Variants in CABLES1 observed in about 807,000 individuals in gnomAD.
CABLES1 encodes the protein Cdk5 and Abl enzyme substrate 1.
In CABLES1, 36 loss-of-function variants were observed where a neutral mutation model predicts 57.8. The observed-to-expected ratio is 0.62, with a 90% CI of 0.48 to 0.82. CABLES1 has a LOEUF of 0.82. Among genes scored for constraint, CABLES1 ranks in the 40% least tolerant of loss-of-function variants. CABLES1 has a pLI of 0.00. For missense variants in CABLES1, 767 were observed against 836.6 expected (o/e 0.92, Z 1.03); for synonymous variants, 374 against 363.0 (o/e 1.03, Z -0.35).
At chr18:23,233,002 TC>T (rs1439422862) in intron 4 of CABLES1, among the ~76,000 whole-genome samples, 1 of 152,140 alleles carries the variant, frequency 6.6e-6, no homozygotes, top group African/African-American at 2.4e-5. Context: ...TTATATTCGT[TC>T]TTGCATAGGT....
intron 1 of CABLES1, among the ~76,000 whole-genome samples, chr18:23,146,485 C>T (rs1275191598): frequency 6.6e-6 from 1 of 152,060 alleles, no homozygotes; most frequent in Admixed American, 6.5e-5. Context: ...GGATTACAGG[C>T]GTGAGCTACC....
chr18:23,242,735 T>C (rs563198603), intron 7 of CABLES1, among the ~76,000 whole-genome samples: 1 of 152,336 alleles, frequency 6.6e-6, no homozygotes, highest in African/African-American at 2.4e-5. Context: ...TGCATAAGCA[T>C]GTAAACCTCA....
At chr18:23,253,621 C>T in intron 8 of CABLES1, 108 bp from the exon 9 acceptor site, 1 of 909,808 alleles carries the variant, frequency 1.1e-6, no homozygotes, top group East Asian at 2.6e-5. Context: ...GTCCAGATCA[C>T]CCTCTGGGAA....
chr18:23,190,577 TCCACCCA>T (rs2047235229), intron 2 of CABLES1: 1 of 152,182 alleles, frequency 6.6e-6, no homozygotes, highest in Non-Finnish European at 1.5e-5. Flanking sequence ...CTTCACGGAA[TCCACCCA>T]GACTGGTCCT....
chr18:23,135,784 G>GCCA lies in CABLES1; in HGVS notation c.27_29dup (p.Thr10dup). 1.0e-6 allele frequency: 1 copy of GCCA among 973,294 alleles called. No homozygotes were observed. 60.3% of individuals were successfully genotyped at this position (973,294 alleles called of 1,614,324 possible). On this transcript the variant is annotated inframe_insertion, in exon 1 of 10. Transcript: ENST00000256925. ...CACAATGGCGGCGGCGGCGGCGGCC[G>GCCA]CCACCACGGCCGCCTGCAGCAGCGG...
chr18:23,201,615 C>A (rs1190835039), intron 3 of CABLES1, among the ~76,000 whole-genome samples: 1 of 152,162 alleles, frequency 6.6e-6, no homozygotes, highest in African/African-American at 2.4e-5. Flanking sequence ...TAATGACTCT[C>A]CAGATACAAG....
intron 1 of CABLES1, among the ~76,000 whole-genome samples, chr18:23,179,735 C>T (rs550006376): frequency 6.6e-6 from 1 of 152,322 alleles, no homozygotes; most frequent in South Asian, 2.1e-4. Context: ...CTGGACAAAG[C>T]TTTAGATCCG....
intron 4 of CABLES1, among the ~76,000 whole-genome samples, chr18:23,227,921 A>G (rs1209273769): frequency 6.6e-6 from 1 of 152,196 alleles, no homozygotes; most frequent in Non-Finnish European, 1.5e-5. Context: ...TCCTTTGAAG[A>G]GCTAGCGCCT....
At chr18:23,194,692 C>T (rs904247538) in intron 3 of CABLES1, 152 bp downstream of exon 3, 4 of 610,086 alleles carry the variant, frequency 6.6e-6, no homozygotes, top group Non-Finnish European at 1.2e-5. Context: ...ACAATTTCCA[C>T]CCCACTCATG....
At chr18:23,174,863 T>TATATATATATATATATATATATATATA (rs1217659974) in intron 1 of CABLES1, among the ~76,000 whole-genome samples, 1 of 138,796 alleles carries the variant, frequency 7.2e-6, no homozygotes, top group Non-Finnish European at 1.5e-5. Context: ...TATATATATG[T>TATATATATATATATATATATATATATA]TTTTTAAACT....
intron 1 of CABLES1, among the ~76,000 whole-genome samples, chr18:23,159,114 C>T (rs2046984843): frequency 6.6e-6 from 1 of 152,196 alleles, no homozygotes; most frequent in South Asian, 2.1e-4. Context: ...TACAGGGGCA[C>T]ACCACCACGC....
chr18:23,171,936 C>T (rs901041243), intron 1 of CABLES1, among the ~76,000 whole-genome samples: 29 of 152,014 alleles, frequency 1.9e-4, no homozygotes, highest in African/African-American at 6.5e-4. Flanking sequence ...TTTCTTTTTT[C>T]GGTTTTATTT....
chr18:23,189,706 A>T (rs1036384607), intron 2 of CABLES1, among the ~76,000 whole-genome samples: 14 of 152,200 alleles, frequency 9.2e-5, no homozygotes, highest in Admixed American at 9.2e-4. Context: ...TCGAACCCGC[A>T]TCTGCACCGT....
At chr18:23,176,641 G>C (rs1474229715) in intron 1 of CABLES1, among the ~76,000 whole-genome samples, 1 of 152,140 alleles carries the variant, frequency 6.6e-6, no homozygotes, top group Non-Finnish European at 1.5e-5. Flanking sequence ...AAAGGAATCT[G>C]AGGTAATTCG....
chr18:23,253,785 C>T lies in CABLES1; in HGVS notation c.1610C>T (p.Thr537Met), dbSNP rs1568095907. The T allele has an allele frequency of 6.8e-6, 11 of 1,614,058 alleles. No homozygotes were observed. Among genetic ancestry groups the T allele is most frequent in the East Asian group, 4.5e-5 (2 of 44,900 alleles). ...AQEDCGLEEP[T>M]VAMAFVYFEK... Reference sequence around the variant, plus strand: ...GAGGACTGTGGCCTTGAGGAGCCCACGGTGGCCATGGCCTTCGTCTACTTT... The same window carrying T: ...GAGGACTGTGGCCTTGAGGAGCCCATGGTGGCCATGGCCTTCGTCTACTTT... Residue 537 changes from threonine (T) to methionine (M), a missense_variant, in exon 9 of 10, where the codon ACG becomes ATG. Physicochemically the swap from Thr to Met is moderately conservative, Grantham distance 81. Coordinates refer to ENST00000256925, the MANE Select transcript of CABLES1 (RefSeq NM_001100619.3).
intron 1 of CABLES1, among the ~76,000 whole-genome samples, chr18:23,183,676 T>G (rs1205556398): frequency 6.6e-6 from 1 of 152,232 alleles, no homozygotes; most frequent in African/African-American, 2.4e-5. Context: ...ATATTACTCT[T>G]GCTTTGAACC....
At chr18:23,174,821 C>CATATATATATATATATATATATATAT (rs569579022) in intron 1 of CABLES1, among the ~76,000 whole-genome samples, 3 of 94,562 alleles carry the variant, frequency 3.2e-5, no homozygotes, top group Non-Finnish European at 6.1e-5. Flanking sequence ...CATGTTACAC[C>CATATATATATATATATATATATATAT]ATATATATAT....
intron 1 of CABLES1, among the ~76,000 whole-genome samples, chr18:23,169,782 T>G (rs2047069154): frequency 6.6e-6 from 1 of 152,220 alleles, no homozygotes. Flanking sequence ...CATCAGAATT[T>G]GAAAGGCTGT....
At chr18:23,159,050 C>T (rs2046984285) in intron 1 of CABLES1, among the ~76,000 whole-genome samples, 2 of 152,206 alleles carry the variant, frequency 1.3e-5, no homozygotes, top group African/African-American at 4.8e-5. Context: ...ACTGTAACCG[C>T]CACCTCTTGA....
Sources: gnomAD v4.1 joint callset for allele counts (sites outside exome capture counted in the v4.1 genomes callset) on GRCh38, gnomAD v4.1.1 for gene constraint, MANE v1.5 for transcripts, NCBI Gene and HGNC (gene_info 2026-07-23, HGNC 2026-07-21) for gene names.